CCR3: variants seen among roughly 807,000 people sequenced by gnomAD.
CCR3 encodes the protein C-C chemokine receptor type 3.
For missense variants in CCR3, 419 were observed against 437.5 expected, an observed-to-expected ratio of 0.96 and a Z score of 0.38; for synonymous variants, 203 against 179.2, an observed-to-expected ratio of 1.13 and a Z score of -1.06.
chr3:46,257,612 T>C (rs779106843), intron 1 of CCR3, among the ~76,000 whole-genome samples: 13 of 152,114 alleles, frequency 8.5e-5, no homozygotes, highest in Non-Finnish European at 1.9e-4. Context: ...TTTAAAACCA[T>C]AATGGCATAT....
intron 2 of CCR3, among the ~76,000 whole-genome samples, chr3:46,224,353 T>G (rs1699869895): frequency 1.3e-5 from 2 of 152,024 alleles, no homozygotes; most frequent in African/African-American, 2.4e-5. Flanking sequence ...TCCCAGCACT[T>G]TGGGAGGCTG....
At chr3:46,214,932 G>A (rs982350391) in intron 2 of CCR3, among the ~76,000 whole-genome samples, 8 of 152,286 alleles carry the variant, frequency 5.3e-5, no homozygotes, top group African/African-American at 1.7e-4. Flanking sequence ...AGTTTCTGGG[G>A]TGGTTCCTGC....
chr3:46,245,480 T>A (rs1375759457), intron 1 of CCR3, among the ~76,000 whole-genome samples: 1 of 151,254 alleles, frequency 6.6e-6, no homozygotes, highest in Non-Finnish European at 1.5e-5. Flanking sequence ...AAAAAAAACT[T>A]TGATCCAGAC....
At chr3:46,246,718 G>A (rs867619578) in intron 1 of CCR3, among the ~76,000 whole-genome samples, 4 of 152,088 alleles carry the variant, frequency 2.6e-5, no homozygotes, top group Admixed American at 1.3e-4. Flanking sequence ...GGGCTCAGAG[G>A]CCTGACATTC....
At chr3:46,257,763 C>T (rs930218447) in intron 1 of CCR3, among the ~76,000 whole-genome samples, 19 of 152,042 alleles carry the variant, frequency 1.2e-4, no homozygotes, top group East Asian at 1.9e-4. Flanking sequence ...ACAATTAAGG[C>T]GGCTAAGAAG....
intron 2 of CCR3, among the ~76,000 whole-genome samples, chr3:46,225,876 G>T (rs949676951): frequency 6.6e-6 from 1 of 152,150 alleles, no homozygotes; most frequent in Non-Finnish European, 1.5e-5. Flanking sequence ...TTTAGGCTGA[G>T]GGTCATTTTG....
At chr3:46,264,420 G>A in intron 1 of CCR3, 1 of 1,533,122 alleles carries the variant, frequency 6.5e-7, no homozygotes. Context: ...TTTGGAATAA[G>A]AATGCTGTTA....
At chr3:46,253,160 T>C (rs1044412847) in intron 1 of CCR3, among the ~76,000 whole-genome samples, 1 of 152,122 alleles carries the variant, frequency 6.6e-6, no homozygotes, top group Non-Finnish European at 1.5e-5. Flanking sequence ...TTCCTCCCTC[T>C]GGGGGAATCC....
intron 2 of CCR3, among the ~76,000 whole-genome samples, chr3:46,217,563 C>A (rs1340205610): frequency 6.6e-6 from 1 of 151,978 alleles, no homozygotes; most frequent in Non-Finnish European, 1.5e-5. Flanking sequence ...ATATGATAGG[C>A]CACAAAATAA....
Position 46,265,983 on chromosome 3 carries a change from G to A in CCR3, c.825G>A (p.Arg275=), listed in dbSNP as rs758890978. The change falls in exon 2 of 2, where the codon CGG becomes CGA. Residue 275 remains arginine (R), a synonymous_variant. Transcript: ENST00000395940. ...QSILFGNDCE[R]SKHLDLVMLV... ...TCTTATTTGGAAATGACTGTGAGCG[G>A]AGCAAGCATCTGGACCTGGTCATGC... 1.3e-5 allele frequency: 21 copies of A among 1,613,976 alleles called. No individual in the cohort carries two copies. The highest frequency in any genetic ancestry group is 2.7e-5 in the African/African-American group (2 of 74,916).
In CCR3 at chr3:46,231,588, G is replaced by A. The variant is rs551364623; in HGVS notation, c.-67-10814G>A. Among the ~76,000 whole-genome samples, 6 of 152,254 alleles carry A rather than the reference G, an allele frequency of 3.9e-5. 1 individual carries two copies. The Middle Eastern group carries it at 0.01, about 259-fold the overall frequency. On this transcript the variant is annotated intron_variant, in intron 2 of 3. Transcript: ENST00000357422. ...TGCCTCTAGCTAACAACACTGCATC[G>A]TATACTTAAAAATGTGCCAAGAGGG... is the stretch of plus-strand genomic sequence containing the variant.
Position 46,265,756 on chromosome 3 carries a change from A to T in CCR3, c.598A>T (p.Thr200Ser). 2 of 1,613,424 alleles carry T rather than the reference A, an allele frequency of 1.2e-6. No individual in the cohort carries two copies. Among genetic ancestry groups the T allele is most frequent in the Non-Finnish European group, 1.7e-6 (2 of 1,179,898 alleles). Residue 200 changes from threonine (T) to serine (S), a missense_variant, in exon 2 of 2, where the codon ACT becomes TCT. Coordinates refer to ENST00000395940, the MANE Select transcript of CCR3 (RefSeq NM_178329.3). ...DTVYSWRHFH[T>S]LRMTIFCLVL... ...AGTATATAGCTGGAGGCATTTCCAC[A>T]CTCTGAGAATGACCATCTTCTGTCT... is the stretch of plus-strand genomic sequence containing the variant.
In CCR3 at chr3:46,246,802, G is replaced by C. The variant is rs1700199339; in HGVS notation, c.-12+4264G>C. ...GTTGGGGTGGCGAAAATTTTTGGAG[G>C]GTGGTATGGAGAGAGAATGGGCGAT... On this transcript the variant is annotated intron_variant, in intron 1 of 1. Coordinates refer to ENST00000395940, the MANE Select transcript of CCR3 (RefSeq NM_178329.3). Among the ~76,000 whole-genome samples, 5 of 152,170 alleles carry C rather than the reference G, an allele frequency of 3.3e-5. No individual in the cohort carries two copies. The Middle Eastern group carries it at 0.01, about 311-fold the overall frequency.
rs201715135 is a variant in CCR3, at chr3:46,265,631, G to C, written c.473G>C (p.Trp158Ser). The change falls in exon 2 of 2, where the codon TGG becomes TCG. Residue 158 changes from tryptophan to serine, a missense_variant. Physicochemically the swap from Trp to Ser is radical, Grantham distance 177. Transcript: ENST00000395940. Reference sequence around the variant, plus strand: ...GGTGTCATCACCAGCATCGTCACCTGGGGCCTGGCAGTGCTAGCAGCTCTT... The same window carrying C: ...GGTGTCATCACCAGCATCGTCACCTCGGGCCTGGCAGTGCTAGCAGCTCTT... ...TFGVITSIVT[W>S]GLAVLAALPE... is the part of the protein sequence containing the mutation. The C allele has an allele frequency of 6.2e-7, 1 of 1,614,104 alleles. No individual in the cohort carries two copies. The highest frequency in any genetic ancestry group is 8.5e-7 in the Non-Finnish European group (1 of 1,180,000).
At chr3:46,256,433 A>G (rs973839250) in intron 1 of CCR3, among the ~76,000 whole-genome samples, 1 of 152,152 alleles carries the variant, frequency 6.6e-6, no homozygotes, top group Non-Finnish European at 1.5e-5. Context: ...CAAAACCACA[A>G]TCCCAAAATA....
At chr3:46,220,872 A>T (rs1320697693) in intron 2 of CCR3, among the ~76,000 whole-genome samples, 1 of 152,208 alleles carries the variant, frequency 6.6e-6, no homozygotes, top group East Asian at 1.9e-4. Context: ...GAAAGAGACA[A>T]GGGATTAAAG....
chr3:46,223,735 G>A (rs1227359473), intron 2 of CCR3, among the ~76,000 whole-genome samples: 3 of 152,162 alleles, frequency 2.0e-5, no homozygotes, highest in African/African-American at 4.8e-5. Context: ...GCCTGCCTCA[G>A]TTTCAGGAAG....
intron 1 of CCR3, among the ~76,000 whole-genome samples, chr3:46,247,275 T>C (rs1404031974): frequency 1.3e-5 from 2 of 151,944 alleles, no homozygotes; most frequent in Admixed American, 6.6e-5. Context: ...TATGACTAGA[T>C]AGAAAATAGT....
At chr3:46,230,043 C>T (rs1241672212) in intron 2 of CCR3, among the ~76,000 whole-genome samples, 1 of 152,070 alleles carries the variant, frequency 6.6e-6, no homozygotes. Context: ...CCTTCTGGCT[C>T]TGTGGGCAAA....
Sources: allele counts gnomAD v4.1 joint callset (sites outside exome capture counted in the v4.1 genomes callset), GRCh38; gene constraint gnomAD v4.1.1; transcripts MANE v1.5; gene names NCBI Gene and HGNC (gene_info 2026-07-23, HGNC 2026-07-21).